Variants in RIMS1 observed in about 807,000 individuals in gnomAD.
The protein encoded by RIMS1 is regulating synaptic membrane exocytosis 1.
RIMS1 carries 83 observed loss-of-function variants against 214.1 expected under a neutral mutation model. The observed-to-expected ratio is 0.39, with a 90% CI of 0.32 to 0.47. The LOEUF is 0.47. Ranked by LOEUF, RIMS1 falls within the 20% of genes least tolerant of loss-of-function variation. RIMS1 has a pLI of 0.99. For missense variants in RIMS1, 2,050 were observed against 2,161.8 expected (o/e 0.95, Z 1.03); for synonymous variants, 793 against 786.8 (o/e 1.01, Z -0.13).
At chr6:71,994,433 A>G (rs751291841) in intron 2 of RIMS1, among the ~76,000 whole-genome samples, 12 of 152,238 alleles carry the variant, frequency 7.9e-5, no homozygotes, top group Non-Finnish European at 1.8e-4. Flanking sequence ...AATAGAAAGT[A>G]GCTGCCCTCA....
intron 26 of RIMS1, among the ~76,000 whole-genome samples, chr6:72,299,477 A>T (rs190888921): frequency 6.6e-6 from 1 of 151,968 alleles, no homozygotes; most frequent in East Asian, 1.9e-4. Context: ...TTGTAACTAG[A>T]TCATAGAGAT....
chr6:71,975,841 T>C (rs1796993090), intron 2 of RIMS1, among the ~76,000 whole-genome samples: 1 of 151,762 alleles, frequency 6.6e-6, no homozygotes, highest in African/African-American at 2.4e-5. Context: ...TGTTTATATC[T>C]GGCTTTTTTC....
intron 4 of RIMS1, among the ~76,000 whole-genome samples, chr6:72,109,761 C>T (rs1331631752): frequency 1.3e-4 from 20 of 152,278 alleles, no homozygotes; most frequent in African/African-American, 4.8e-4. Flanking sequence ...GTGTTTTAGA[C>T]ATGAAGTCCT....
intron 4 of RIMS1, among the ~76,000 whole-genome samples, chr6:72,171,048 G>A (rs1043178319): frequency 3.3e-5 from 5 of 151,916 alleles, no homozygotes; most frequent in South Asian, 2.1e-4. Flanking sequence ...TAATGAGAAC[G>A]TCAGCAAATA....
At chr6:71,979,396 G>T (rs934854217) in intron 2 of RIMS1, among the ~76,000 whole-genome samples, 1 of 151,986 alleles carries the variant, frequency 6.6e-6, no homozygotes, top group Non-Finnish European at 1.5e-5. Flanking sequence ...TTGCCCCAGG[G>T]TCACCCAGCA....
chr6:72,373,097 TTAC>T (rs2098269933), intron 29 of RIMS1, among the ~76,000 whole-genome samples: 1 of 152,248 alleles, frequency 6.6e-6, no homozygotes, highest in Non-Finnish European at 1.5e-5. Context: ...GGGTTTAACC[TTAC>T]TGCACCTTGG....
At chr6:72,283,926 G>C in intron 23 of RIMS1, 121 bp from the exon 24 acceptor site, 1 of 701,790 alleles carries the variant, frequency 1.4e-6, no homozygotes, top group East Asian at 2.8e-5. Flanking sequence ...GAAAAGTACT[G>C]ACTGACAAAA....
At chr6:72,258,924 C>G (rs2076921402) in intron 17 of RIMS1, 62 bp from the exon 18 acceptor site, 1 of 1,511,068 alleles carries the variant, frequency 6.6e-7, no homozygotes, top group Non-Finnish European at 9.2e-7. Context: ...TCACTTTAGT[C>G]TGTCTGCCTG....
At chr6:71,971,464 A>C (rs919598278) in intron 2 of RIMS1, among the ~76,000 whole-genome samples, 4 of 152,156 alleles carry the variant, frequency 2.6e-5, no homozygotes, top group Non-Finnish European at 4.4e-5. Flanking sequence ...TTAAGGAAAG[A>C]GTTTAGGGGG....
At chr6:71,955,220 G>A (rs910601587) in intron 1 of RIMS1, among the ~76,000 whole-genome samples, 9 of 151,866 alleles carry the variant, frequency 5.9e-5, no homozygotes, top group South Asian at 2.1e-4. Flanking sequence ...AGGCTGGAGT[G>A]CGGTGGCATG....
At chr6:71,909,185 C>T (rs1012542196) in intron 1 of RIMS1, among the ~76,000 whole-genome samples, 5 of 152,048 alleles carry the variant, frequency 3.3e-5, no homozygotes, top group South Asian at 2.1e-4. Flanking sequence ...TTAGTAGAGA[C>T]GGGGTTTCAC....
At chr6:72,236,283 A>G (rs1410119773) in intron 8 of RIMS1, among the ~76,000 whole-genome samples, 1 of 152,168 alleles carries the variant, frequency 6.6e-6, no homozygotes, top group Non-Finnish European at 1.5e-5. Flanking sequence ...TCAGACTTTG[A>G]TAGTCTTATG....
At position 72,242,351 on chromosome 6, in the gene RIMS1, G is replaced by A. The variant is rs1178564164; in HGVS notation, c.1995G>A (p.Pro665=). The part of the protein sequence containing the change: ...EVLEWNGKPL[P]GATNEEVYNI... ...TAGAATGGAATGGTAAACCCCTGCC[G>A]GGAGCTACAAATGAAGAAGTTTACA... is the stretch of plus-strand genomic sequence containing the variant. Residue 665 remains proline (P), a synonymous_variant, in exon 10 of 34, where the codon CCG becomes CCA. Transcript: ENST00000521978. The A allele has an allele frequency of 3.2e-6, 5 of 1,562,806 alleles. No individual in the cohort carries two copies. Among genetic ancestry groups the A allele is most frequent in the East Asian group, 2.3e-5 (1 of 42,556 alleles).
chr6:72,048,950 G>A (rs143438000), intron 2 of RIMS1, among the ~76,000 whole-genome samples: 1 of 152,144 alleles, frequency 6.6e-6, no homozygotes, highest in Non-Finnish European at 1.5e-5. Context: ...GGAAGAAAAG[G>A]GATGCAGGCA....
intron 29 of RIMS1, among the ~76,000 whole-genome samples, chr6:72,363,340 A>G (rs978568800): frequency 2.0e-5 from 3 of 152,240 alleles, no homozygotes; most frequent in Admixed American, 6.5e-5. Flanking sequence ...GGCCAGCTCC[A>G]GTAAGGCTTT....
intron 1 of RIMS1, among the ~76,000 whole-genome samples, chr6:71,924,691 C>G (rs936449297): frequency 6.7e-6 from 1 of 148,676 alleles, no homozygotes; most frequent in African/African-American, 2.5e-5. Flanking sequence ...CCTATAGTCC[C>G]AGCTACTCAG....
intron 29 of RIMS1, among the ~76,000 whole-genome samples, chr6:72,383,990 C>T (rs537573478): frequency 1.1e-4 from 16 of 152,222 alleles, no homozygotes; most frequent in Admixed American, 3.9e-4. Context: ...ATTGCTTAAT[C>T]AGGTGATACT....
intron 1 of RIMS1, among the ~76,000 whole-genome samples, chr6:71,911,158 A>T (rs925060000): frequency 6.6e-6 from 1 of 152,166 alleles, no homozygotes; most frequent in African/African-American, 2.4e-5. Flanking sequence ...TGAATTATGC[A>T]GTTCTGTTGA....
At chr6:71,902,632 T>C (rs1455596738) in intron 1 of RIMS1, among the ~76,000 whole-genome samples, 1 of 152,042 alleles carries the variant, frequency 6.6e-6, no homozygotes, top group Non-Finnish European at 1.5e-5. Context: ...ACCCACCTCC[T>C]AGATATTAAG....
Sources: allele counts gnomAD v4.1 joint callset (sites outside exome capture counted in the v4.1 genomes callset), GRCh38; gene constraint gnomAD v4.1.1; transcripts MANE v1.5; gene names NCBI Gene and HGNC (gene_info 2026-07-23, HGNC 2026-07-21).